The following ACADS variants were observed in gnomAD, a reference collection of about 807,000 sequenced individuals.
ACADS encodes the protein acyl-CoA dehydrogenase short chain, also known as short-chain specific acyl-CoA dehydrogenase, mitochondrial.
In ACADS, 28 loss-of-function variants were observed where a neutral mutation model predicts 46.8. The ratio of observed to expected loss-of-function variants is 0.60; its 90% CI spans 0.44 to 0.82. The LOEUF is 0.82. ACADS is among the 40% of genes least tolerant of loss of function. The pLI, the probability that ACADS is intolerant of heterozygous loss-of-function variation, is 0.00. For synonymous variants in ACADS, 236 were observed against 237.7 expected, an observed-to-expected ratio of 0.99 and a Z score of 0.07; for missense variants, 528 against 578.0, an observed-to-expected ratio of 0.91 and a Z score of 0.89.
At position 120,737,383 on chromosome 12, in the gene ACADS, T is replaced by C; in HGVS notation, c.388T>C (p.Phe130Leu). 2 of 1,614,120 alleles carry C rather than the reference T, an allele frequency of 1.2e-6. No homozygotes were observed. The highest frequency in any genetic ancestry group is 1.7e-6 in the Non-Finnish European group (2 of 1,180,022). The change falls in exon 4 of 10, where the codon TTT becomes CTT. Residue 130 changes from phenylalanine to leucine, a missense_variant. Physicochemically the swap from Phe to Leu is conservative, Grantham distance 22. Transcript: ENST00000242592. ...NSLYLGPILK[F>L]GSKEQKQAWV... ...TCTCTACCTGGGGCCCATCTTGAAG[T>C]TTGGCTCCAAGGAGCAGAAGCAGGC...
Position 120,738,906 on chromosome 12 carries a change from T to C in ACADS, c.1020T>C (p.Pro340=). The C allele has an allele frequency of 6.2e-7, 1 of 1,613,570 alleles. No individual in the cohort carries two copies. Among genetic ancestry groups the C allele is most frequent in the South Asian group, 1.1e-5 (1 of 91,074 alleles). ...CCATGCTGAAGGATAACAAGAAGCC[T>C]TTCATCAAGGTGCCCACAGGGGTCC... The part of the protein sequence containing the change: ...RAAMLKDNKK[P]FIKEAAMAKL... The change falls in exon 8 of 10, where the codon CCT becomes CCC. Residue 340 remains proline, a synonymous_variant. Coordinates refer to ENST00000242592, the MANE Select transcript of ACADS (RefSeq NM_000017.4).
At chr12:120,731,922 CA>C (rs563877176) in intron 2 of ACADS, among the ~76,000 whole-genome samples, 182 of 152,284 alleles carry the variant, frequency 1.2e-3, no homozygotes, top group Non-Finnish European at 2.0e-3. Context: ...TGAGTGGATA[CA>C]GCACATGTTT....
chr12:120,738,779 G>A, intron 7 of ACADS, 41 bp from the exon 8 acceptor site: 5 of 1,612,952 alleles, frequency 3.1e-6, no homozygotes, highest in East Asian at 2.2e-5. Flanking sequence ...TCCCCTGGAG[G>A]GGCAGCTGCT....
Position 120,737,445 on chromosome 12 carries a change from C to G in ACADS, c.450C>G (p.Gly150=). The G allele has an allele frequency of 6.2e-7, 1 of 1,614,130 alleles. No individual in the cohort carries two copies. The highest frequency in any genetic ancestry group is 8.5e-7 in the Non-Finnish European group (1 of 1,179,988). The stretch of plus-strand genomic sequence containing the variant: ...CTTTCACCAGTGGTGACAAAATTGG[C>G]TGCTTTGCCCTCAGCGAACCAGGTA... ...VTPFTSGDKI[G]CFALSEPGNG... is the part of the protein sequence containing the mutation. The change falls in exon 4 of 10, where the codon GGC becomes GGG. Residue 150 remains glycine, a synonymous_variant. Coordinates refer to ENST00000242592, the MANE Select transcript of ACADS (RefSeq NM_000017.4).
At chr12:120,738,475 C>T (rs778765463) in intron 6 of ACADS, 25 bp downstream of exon 6, 2 of 1,607,044 alleles carry the variant, frequency 1.2e-6, no homozygotes, top group East Asian at 2.2e-5. Flanking sequence ...GGGGGTGGCA[C>T]CTTGAGGCCA....
At chr12:120,738,737 A>G in intron 7 of ACADS, 67 bp downstream of exon 7, 8 of 1,609,540 alleles carry the variant, frequency 5.0e-6, no homozygotes, top group Non-Finnish European at 6.8e-6. Flanking sequence ...TGGCCTCCTG[A>G]CTGCTCTCCG....
rs762215364 is a variant in ACADS, at chr12:120,738,255, GA to G, written c.625-21del. 3 of 1,613,590 alleles carry G rather than the reference GA, an allele frequency of 1.9e-6. No individual in the cohort carries two copies. In the South Asian group the frequency reaches 3.3e-5, roughly 18 times the overall value. On this transcript the variant is annotated intron_variant, in intron 5 of 9. Coordinates refer to ENST00000242592, the MANE Select transcript of ACADS (RefSeq NM_000017.4). Reference sequence around the variant, plus strand: ...GGGTGTGGCTGAGGGGCAGCTCTGAGAAAACCACCCGCCTCTCCTTTCAGGG... The same window carrying G: ...GGGTGTGGCTGAGGGGCAGCTCTGAGAAACCACCCGCCTCTCCTTTCAGGG...
chr12:120,728,266 C>A lies in ACADS; in HGVS notation c.210+1077C>A, dbSNP rs981536479. Among the ~76,000 whole-genome samples, 35 of 151,878 alleles carry A rather than the reference C, an allele frequency of 2.3e-4. No individual in the cohort carries two copies. The highest frequency in any genetic ancestry group is 2.9e-4 in the African/African-American group (12 of 41,430). The stretch of plus-strand genomic sequence containing the variant: ...CCGGCCTGCTTGAACTGTTTTCTCC[C>A]CTGAGTTTCCCATCAGCGCGCTCCC... On this transcript the variant is annotated intron_variant, in intron 2 of 9. Coordinates refer to ENST00000242592, the MANE Select transcript of ACADS (RefSeq NM_000017.4). The surrounding 1 kb of genome is among the most constrained non-coding windows in gnomAD (Gnocchi z 4.0).
Position 120,737,154 on chromosome 12 carries a change from C to G in ACADS, c.360+19C>G, listed in dbSNP as rs1293124768. On this transcript the variant is annotated intron_variant, in intron 3 of 9. Transcript: ENST00000242592. ...CAACAACGTGAGCCCCCTCCCAGGC[C>G]CCTGGGACACACGGGTGGAGGGAGG... 3 of 1,566,714 alleles carry G rather than the reference C, an allele frequency of 1.9e-6. No individual in the cohort carries two copies. The highest frequency in any genetic ancestry group is 2.6e-6 in the Non-Finnish European group (3 of 1,154,880).
chr12:120,739,739 CAGT>C lies in ACADS; in HGVS notation c.*292_*294del, dbSNP rs1883599549. 4.1e-6 allele frequency: 2 copies of C among 485,828 alleles called. No individual in the cohort carries two copies. Among genetic ancestry groups the C allele is most frequent in the African/African-American group, 3.9e-5 (2 of 51,366 alleles). 30.1% of individuals were successfully genotyped at this position (485,828 alleles called of 1,614,324 possible). ...GGCTGAGCGACACTCAGGGACACCT[CAGT>C]TGTCCTCCCGCGGGCCCTGGTGCCC... On this transcript the variant is annotated 3_prime_UTR_variant, in exon 10 of 10. Transcript: ENST00000242592.
chr12:120,725,999 GCGGCCGGCTCTGTCAGAGCCGC>G, intron 1 of ACADS, 68 bp downstream of exon 1: 3 of 1,452,702 alleles, frequency 2.1e-6, no homozygotes, highest in Non-Finnish European at 2.7e-6. Flanking sequence ...GGAGGTCCTG[GCGGCCGGCTCTGTCAGAGCCGC>G]TGGCAGGCGG....
chr12:120,734,790 C>G (rs942753404), intron 2 of ACADS, among the ~76,000 whole-genome samples: 2 of 145,408 alleles, frequency 1.4e-5, no homozygotes, highest in African/African-American at 5.2e-5. Flanking sequence ...CTCGCTCTGT[C>G]GCCCAGACTG....
intron 1 of ACADS, 102 bp downstream of exon 1, chr12:120,726,033 G>T: frequency 8.0e-7 from 1 of 1,253,880 alleles, no homozygotes; most frequent in Non-Finnish European, 1.1e-6. Context: ...GGCAGGCGGA[G>T]CCCCACTCCG....
Position 120,728,157 on chromosome 12 carries a change from G to A in ACADS, c.210+968G>A, listed in dbSNP as rs898706240. On this transcript the variant is annotated intron_variant, in intron 2 of 9. Coordinates refer to ENST00000242592, the MANE Select transcript of ACADS (RefSeq NM_000017.4). The surrounding 1 kb of genome is among the most constrained non-coding windows in gnomAD (Gnocchi z 4.0). ...AGATGGGGTTTCTCCATGTTGGGCA[G>A]GCTGGTCTCAAACTCCTGACCTTAG... Among the ~76,000 whole-genome samples the A allele has an allele frequency of 6.6e-6, 1 of 152,020 alleles. No individual in the cohort carries two copies. The highest frequency in any genetic ancestry group is 2.4e-5 in the African/African-American group (1 of 41,384).
chr12:120,737,296 G>A (rs1046722810), intron 3 of ACADS, 60 bp from the exon 4 acceptor site: 12 of 1,555,766 alleles, frequency 7.7e-6, no homozygotes, highest in African/African-American at 6.8e-5. Context: ...GGTGCAGCCC[G>A]CAGGTGGGCA....
At chr12:120,732,288 G>A (rs562857095) in intron 2 of ACADS, among the ~76,000 whole-genome samples, 5 of 150,150 alleles carry the variant, frequency 3.3e-5, no homozygotes, top group Admixed American at 6.6e-5. Context: ...CCTCCCGGAC[G>A]GGGCGGCTGG....
At position 120,739,577 on chromosome 12, in the gene ACADS, A is replaced by G. The variant is rs926065750; in HGVS notation, c.*129A>G. 8.3e-6 allele frequency: 9 copies of G among 1,087,116 alleles called. No individual in the cohort carries two copies. The highest frequency in any genetic ancestry group is 1.2e-5 in the Non-Finnish European group (9 of 760,626). The allele number at this position is 1,087,116 out of a possible 1,614,324, so 67.3% of individuals were successfully genotyped here. On this transcript the variant is annotated 3_prime_UTR_variant, in exon 10 of 10. Coordinates refer to ENST00000242592, the MANE Select transcript of ACADS (RefSeq NM_000017.4). ...GACCCCAGATGGGCTCAGTGCTGCC[A>G]CCCAGATCAGATCACATGGGAATGA... is the stretch of plus-strand genomic sequence containing the variant.
intron 4 of ACADS, 155 bp downstream of exon 4, chr12:120,737,622 G>A (rs1883499282): frequency 1.9e-6 from 2 of 1,047,708 alleles, no homozygotes; most frequent in Admixed American, 2.1e-5. Flanking sequence ...GGCGCTGGGA[G>A]GAAGATTGCC....
chr12:120,731,668 T>G (rs952186705), intron 2 of ACADS, among the ~76,000 whole-genome samples: 8 of 152,054 alleles, frequency 5.3e-5, no homozygotes, highest in African/African-American at 1.9e-4. Context: ...TTGATCATTC[T>G]TGGGTGTTTC....
Sources: allele counts gnomAD v4.1 joint callset (sites outside exome capture counted in the v4.1 genomes callset), GRCh38; gene constraint gnomAD v4.1.1; non-coding constraint Gnocchi (gnomAD v3.1); transcripts MANE v1.5; gene names NCBI Gene and HGNC (gene_info 2026-07-23, HGNC 2026-07-21).